Variants in WDPCP observed in about 807,000 individuals in gnomAD.
The protein encoded by WDPCP is WD repeat containing planar cell polarity effector.
In WDPCP, 71 loss-of-function variants were observed where a neutral mutation model predicts 93.1. The observed-to-expected ratio is 0.76, with a 90% CI of 0.63 to 0.93. The LOEUF is 0.93. WDPCP is among the 40% of genes least tolerant of loss of function. The probability of loss-of-function intolerance (pLI) is 0.00; values close to 1 mark genes in which losing one functional copy is unlikely to be tolerated. For synonymous variants in WDPCP, 315 were observed against 315.0 expected, an observed-to-expected ratio of 1.00 and a Z score of 0.00; for missense variants, 844 against 887.4, an observed-to-expected ratio of 0.95 and a Z score of 0.62.
At chr2:63,180,841 G>A (rs80013817) in intron 14 of WDPCP, among the ~76,000 whole-genome samples, 1 of 151,912 alleles carries the variant, frequency 6.6e-6, no homozygotes, top group African/African-American at 2.4e-5. Context: ...TTACCAACAT[G>A]TTATTTTTTG....
intron 4 of WDPCP, 80 bp downstream of exon 4, chr2:63,486,462 C>T: frequency 7.5e-7 from 1 of 1,328,734 alleles, no homozygotes; most frequent in Non-Finnish European, 1.0e-6. Flanking sequence ...ATAAAGTTTC[C>T]TCTTTGTTCC....
intron 14 of WDPCP, among the ~76,000 whole-genome samples, chr2:63,222,531 C>T (rs142205970): frequency 8.6e-4 from 131 of 152,316 alleles, no homozygotes; most frequent in Middle Eastern, 6.8e-3. Flanking sequence ...GTCTCCTCAT[C>T]TGAGAAGACC....
chr2:63,447,871 A>C (rs1489542415), intron 6 of WDPCP, among the ~76,000 whole-genome samples: 2 of 152,146 alleles, frequency 1.3e-5, no homozygotes. Flanking sequence ...GTTTGAAAAA[A>C]GATATAAGCC....
At chr2:63,747,411 G>A (rs1212248943) in intron 2 of WDPCP, among the ~76,000 whole-genome samples, 1 of 151,760 alleles carries the variant, frequency 6.6e-6, no homozygotes, top group Non-Finnish European at 1.5e-5. Flanking sequence ...AAAGGCTTTG[G>A]TTTTGCCTTT....
intron 17 of WDPCP, among the ~76,000 whole-genome samples, chr2:63,141,649 G>A (rs1317615668): frequency 6.6e-6 from 1 of 152,046 alleles, no homozygotes; most frequent in African/African-American, 2.4e-5. Context: ...GAATTACAGA[G>A]GGTTCCTTCT....
intron 13 of WDPCP, among the ~76,000 whole-genome samples, chr2:63,259,714 T>C (rs1559256368): frequency 6.6e-6 from 1 of 152,222 alleles, no homozygotes; most frequent in Non-Finnish European, 1.5e-5. Context: ...CTATTTTTCT[T>C]TGGTAAGACA....
intron 2 of WDPCP, among the ~76,000 whole-genome samples, chr2:63,666,868 T>A (rs1049511821): frequency 1.3e-5 from 2 of 152,162 alleles, no homozygotes; most frequent in African/African-American, 4.8e-5. Flanking sequence ...GAAATCAGCA[T>A]TGGAACCTTG....
At chr2:63,542,617 C>T (rs934693718) in intron 1 of WDPCP, among the ~76,000 whole-genome samples, 1 of 152,206 alleles carries the variant, frequency 6.6e-6, no homozygotes, top group Non-Finnish European at 1.5e-5. Context: ...CTAAAACTGG[C>T]TTGCATTACT....
At chr2:63,517,715 T>C (rs1702642010) in intron 1 of WDPCP, among the ~76,000 whole-genome samples, 1 of 152,194 alleles carries the variant, frequency 6.6e-6, no homozygotes, top group Non-Finnish European at 1.5e-5. Context: ...AGGATGGCCC[T>C]TCTAAGTCTC....
At chr2:63,413,393 A>C (rs564278877) in intron 9 of WDPCP, among the ~76,000 whole-genome samples, 1 of 152,294 alleles carries the variant, frequency 6.6e-6, no homozygotes, top group East Asian at 1.9e-4. Flanking sequence ...AAGGACTTAA[A>C]CCTAAAACTT....
intron 1 of WDPCP, among the ~76,000 whole-genome samples, chr2:63,581,358 C>T (rs773516909): frequency 1.3e-5 from 2 of 152,094 alleles, no homozygotes; most frequent in Non-Finnish European, 1.5e-5. Flanking sequence ...CAGAGGGTTC[C>T]GCTTGAGAAT....
At chr2:63,511,981 A>T (rs1702266343) in intron 1 of WDPCP, among the ~76,000 whole-genome samples, 1 of 152,208 alleles carries the variant, frequency 6.6e-6, no homozygotes, top group South Asian at 2.1e-4. Context: ...ATGGGGGAAA[A>T]TTTTTGCAAT....
intron 17 of WDPCP, among the ~76,000 whole-genome samples, chr2:63,136,989 T>TATTA: frequency 6.6e-6 from 1 of 152,336 alleles, no homozygotes; most frequent in Admixed American, 6.5e-5. Flanking sequence ...ACTCCATGTC[T>TATTA]TTGCTATTGT....
intron 2 of WDPCP, among the ~76,000 whole-genome samples, chr2:63,733,238 G>A (rs1558897536): frequency 1.4e-5 from 2 of 138,372 alleles, no homozygotes; most frequent in African/African-American, 5.4e-5. Flanking sequence ...TGTCGCCCAG[G>A]CCGGACTGCG....
intron 17 of WDPCP, among the ~76,000 whole-genome samples, chr2:63,146,940 A>T (rs1435935187): frequency 6.6e-6 from 1 of 152,204 alleles, no homozygotes; most frequent in Non-Finnish European, 1.5e-5. Flanking sequence ...GTATATTTAA[A>T]ACTTTTCATA....
intron 13 of WDPCP, among the ~76,000 whole-genome samples, chr2:63,302,588 T>G (rs890147192): frequency 2.6e-5 from 4 of 152,186 alleles, no homozygotes; most frequent in African/African-American, 4.8e-5. Flanking sequence ...GGGTAAAAAT[T>G]TCTTACCAGT....
At chr2:63,802,265 A>G (rs962578700) in intron 2 of WDPCP, among the ~76,000 whole-genome samples, 11 of 131,766 alleles carry the variant, frequency 8.3e-5, no homozygotes, top group African/African-American at 3.2e-4. Flanking sequence ...GGGCAACATT[A>G]TGATACCCTC....
At chr2:63,402,241 T>C (rs1393631553) in intron 10 of WDPCP, among the ~76,000 whole-genome samples, 1 of 152,072 alleles carries the variant, frequency 6.6e-6, no homozygotes, top group Non-Finnish European at 1.5e-5. Context: ...TCACATTTTC[T>C]CATTCATAAG....
intron 9 of WDPCP, among the ~76,000 whole-genome samples, chr2:63,420,359 CTT>C (rs1695751636): frequency 2.0e-5 from 1 of 50,132 alleles, no homozygotes; most frequent in Non-Finnish European, 4.1e-5. Context: ...CCCATCTTTA[CTT>C]AAAAAAAAAA....
Sources: allele counts gnomAD v4.1 joint callset (sites outside exome capture counted in the v4.1 genomes callset), GRCh38; gene constraint gnomAD v4.1.1; transcripts MANE v1.5; gene names NCBI Gene and HGNC (gene_info 2026-07-23, HGNC 2026-07-21).